Variants in XKR6 observed in about 807,000 individuals in gnomAD.
XKR6 encodes XK-related protein 6.
In XKR6, 22 loss-of-function variants were observed where a neutral mutation model predicts 56.7. The ratio of observed to expected loss-of-function variants is 0.39; its 90% CI spans 0.28 to 0.55. The LOEUF (loss-of-function observed/expected upper bound fraction) is 0.55, where lower values mean the gene tolerates loss of function less well. XKR6 is among the 20% of genes least tolerant of loss of function. XKR6 has a pLI of 0.66. For missense variants in XKR6, 852 were observed against 889.0 expected (o/e 0.96, Z 0.53); for synonymous variants, 524 against 387.8 (o/e 1.35, Z -4.13).
chr8:11,183,953 G>T (rs556544403), intron 1 of XKR6, among the ~76,000 whole-genome samples: 1 of 152,152 alleles, frequency 6.6e-6, no homozygotes, highest in Non-Finnish European at 1.5e-5. Flanking sequence ...ACTGTCTGTA[G>T]TCTGGGCAAT....
intron 1 of XKR6, among the ~76,000 whole-genome samples, chr8:11,153,698 G>C (rs1435352550): frequency 6.6e-6 from 1 of 152,170 alleles, no homozygotes; most frequent in Non-Finnish European, 1.5e-5. Context: ...TCTTAGGATG[G>C]ACAACTGACT....
At chr8:10,955,871 A>C (rs1490794054) in intron 1 of XKR6, among the ~76,000 whole-genome samples, 1 of 152,194 alleles carries the variant, frequency 6.6e-6, no homozygotes, top group Non-Finnish European at 1.5e-5. Flanking sequence ...ATTTATTTCA[A>C]TGTCATGTTG....
At chr8:11,171,948 G>C (rs1011679103) in intron 1 of XKR6, among the ~76,000 whole-genome samples, 1 of 151,928 alleles carries the variant, frequency 6.6e-6, no homozygotes, top group African/African-American at 2.4e-5. Flanking sequence ...TGCTACTCAG[G>C]AGGCTGAAGC....
intron 1 of XKR6, among the ~76,000 whole-genome samples, chr8:10,999,837 A>T (rs962644010): frequency 6.6e-6 from 1 of 152,204 alleles, no homozygotes; most frequent in African/African-American, 2.4e-5. Context: ...GATGCAAATC[A>T]TGGGGCAGGG....
At chr8:10,951,431 G>A (rs1017074364) in intron 1 of XKR6, among the ~76,000 whole-genome samples, 2 of 152,196 alleles carry the variant, frequency 1.3e-5, no homozygotes, top group Non-Finnish European at 2.9e-5. Context: ...CAGCGAGAAG[G>A]CTGGGAAGGT....
chr8:11,129,073 A>C (rs1180427586), intron 1 of XKR6: 1 of 413,670 alleles, frequency 2.4e-6, no homozygotes, highest in South Asian at 1.8e-5. Context: ...ACTCAGATGC[A>C]TCCATGTAAT....
At position 10,924,259 on chromosome 8, in the gene XKR6, A is replaced by T. The variant is rs148087933; in HGVS notation, c.961+375T>A. ...CAATATGACGGCCCCTTGTGGTCCC[A>T]CGCTATCTCTGGTCTGTGGCTTCCC... On this transcript the variant is annotated intron_variant, in intron 2 of 2. Coordinates refer to ENST00000416569, the MANE Select transcript of XKR6 (RefSeq NM_173683.4). 6.1e-4 allele frequency among the ~76,000 whole-genome samples: 93 copies of T among 152,362 alleles called. 1 individual carries two copies. The highest frequency in any genetic ancestry group is 2.2e-3 in the African/African-American group (90 of 41,592).
In XKR6 at chr8:11,129,191, C is replaced by T. The variant is rs1799979713; in HGVS notation, c.764+71385G>A. ...CAACTAGACAGAGGTGATGGTTGCTCAACATTGTAAACATACTCTTACACG... is the reference window on the plus strand; with the variant it reads ...CAACTAGACAGAGGTGATGGTTGCTTAACATTGTAAACATACTCTTACACG... On this transcript the variant is annotated intron_variant, in intron 1 of 2. Coordinates refer to ENST00000416569, the MANE Select transcript of XKR6 (RefSeq NM_173683.4). 28 of 351,956 alleles carry T rather than the reference C, an allele frequency of 8.0e-5. 1 individual carries two copies. Among genetic ancestry groups the T allele is most frequent in the South Asian group, 6.1e-4 (28 of 45,758 alleles). The allele number at this position is 351,956 out of a possible 1,614,324, so 21.8% of individuals were successfully genotyped here.
intron 1 of XKR6, among the ~76,000 whole-genome samples, chr8:11,116,545 A>C (rs1378093832): frequency 6.6e-6 from 1 of 151,968 alleles, no homozygotes; most frequent in East Asian, 1.9e-4. Context: ...TAATTTTTGC[A>C]TTTTTAGTAG....
chr8:11,058,025 C>A (rs1361887321), intron 1 of XKR6, among the ~76,000 whole-genome samples: 1 of 152,214 alleles, frequency 6.6e-6, no homozygotes, highest in Non-Finnish European at 1.5e-5. Context: ...CTCTAAATGA[C>A]CACCTTCATC....
chr8:11,181,235 G>A (rs1250608438), intron 1 of XKR6, among the ~76,000 whole-genome samples: 2 of 152,154 alleles, frequency 1.3e-5, no homozygotes, highest in Non-Finnish European at 2.9e-5. Context: ...CTGAAGAGTG[G>A]TGAACGTTTT....
chr8:10,966,968 C>G (rs930238940), intron 1 of XKR6, among the ~76,000 whole-genome samples: 1 of 152,110 alleles, frequency 6.6e-6, no homozygotes, highest in African/African-American at 2.4e-5. Flanking sequence ...GCTTGAGAAC[C>G]ATGGGTCTAG....
intron 1 of XKR6, among the ~76,000 whole-genome samples, chr8:10,946,925 C>T (rs1801568244): frequency 6.6e-6 from 1 of 152,040 alleles, no homozygotes; most frequent in African/African-American, 2.4e-5. Flanking sequence ...GAGGGTGCTC[C>T]AGGTAGACAG....
intron 1 of XKR6, among the ~76,000 whole-genome samples, chr8:10,939,205 T>C (rs1801314566): frequency 6.6e-6 from 1 of 152,122 alleles, no homozygotes; most frequent in African/African-American, 2.4e-5. Flanking sequence ...AGTAAACAGC[T>C]GACCGGCCCA....
At chr8:10,913,419 T>C (rs886864031) in intron 2 of XKR6, among the ~76,000 whole-genome samples, 1 of 152,040 alleles carries the variant, frequency 6.6e-6, no homozygotes, top group African/African-American at 2.4e-5. Context: ...CTTAGCCAGG[T>C]ACTCAGCCGT....
At chr8:10,930,267 G>T (rs1801015760) in intron 1 of XKR6, among the ~76,000 whole-genome samples, 2 of 152,164 alleles carry the variant, frequency 1.3e-5, no homozygotes, top group African/African-American at 4.8e-5. Flanking sequence ...TCTGATTGTG[G>T]ATAACAAACC....
rs545123076 is a variant in XKR6, at chr8:11,069,913, C to T, written c.764+130663G>A. Among the ~76,000 whole-genome samples the T allele has an allele frequency of 2.0e-5, 3 of 152,314 alleles. No homozygotes were observed. The South Asian group carries it at 6.2e-4, about 32-fold the overall frequency. ...AGTCAACCTTGGGTATTTTAATGTT[C>T]TCAGGAGGGCCTTGATATTGACCCA... On this transcript the variant is annotated intron_variant, in intron 1 of 2. Transcript: ENST00000416569.
At position 11,181,678 on chromosome 8, in the gene XKR6, T is replaced by A. The variant is rs1017233341; in HGVS notation, c.764+18898A>T. Among the ~76,000 whole-genome samples, 7 of 152,268 alleles carry A rather than the reference T, an allele frequency of 4.6e-5. No individual in the cohort carries two copies. The East Asian group carries it at 1.3e-3, about 29-fold the overall frequency. On this transcript the variant is annotated intron_variant, in intron 1 of 2. Transcript: ENST00000416569. ...GAGGAAGAACCTCATCAATGCCAAGTCAAATCTTCAACACTGTGGGCAGGT... is the reference window on the plus strand; with the variant it reads ...GAGGAAGAACCTCATCAATGCCAAGACAAATCTTCAACACTGTGGGCAGGT...
intron 1 of XKR6, among the ~76,000 whole-genome samples, chr8:11,082,895 A>G (rs2129170327): frequency 6.6e-6 from 1 of 152,310 alleles, no homozygotes; most frequent in East Asian, 1.9e-4. Context: ...AGTGGCCTCA[A>G]GTATTTCTAT....
Sources: gnomAD v4.1 joint callset for allele counts (sites outside exome capture counted in the v4.1 genomes callset) on GRCh38, gnomAD v4.1.1 for gene constraint, MANE v1.5 for transcripts, NCBI Gene and HGNC (gene_info 2026-07-23, HGNC 2026-07-21) for gene names.